The following CTNNA3 variants were observed in gnomAD, a reference collection of about 807,000 sequenced individuals.
CTNNA3 encodes catenin alpha-3.
Under a neutral mutation model 95.7 loss-of-function variants are expected in CTNNA3, and 76 were observed. That is an observed-to-expected ratio of 0.79 (90% CI 0.66 to 0.96). The LOEUF (loss-of-function observed/expected upper bound fraction) is 0.96. Ranked by LOEUF, CTNNA3 falls within the 40% of genes least tolerant of loss-of-function variation. CTNNA3 has a pLI of 0.00. For synonymous variants in CTNNA3, 431 were observed against 374.4 expected (o/e 1.15, Z -1.74); for missense variants, 1,191 against 1,089.8 (o/e 1.09, Z -1.31).
At chr10:67,332,187 T>C (rs1309949145) in intron 5 of CTNNA3, among the ~76,000 whole-genome samples, 3 of 152,190 alleles carry the variant, frequency 2.0e-5, no homozygotes, top group African/African-American at 7.2e-5. Context: ...TCTTGAATAA[T>C]AAAAGATTAA....
intron 13 of CTNNA3, among the ~76,000 whole-genome samples, chr10:66,274,904 T>C (rs1333020319): frequency 6.6e-6 from 1 of 152,142 alleles, no homozygotes; most frequent in Non-Finnish European, 1.5e-5. Context: ...TGTTTTTAAT[T>C]TTTTTAATGT....
rs1847470954 is a variant in CTNNA3, at chr10:66,932,697, TTAAA to T, written c.1048-157177_1048-157174del. Among the ~76,000 whole-genome samples the T allele has an allele frequency of 4.2e-5, 3 of 72,224 alleles. No homozygotes were observed. The South Asian group carries it at 1.9e-3, about 45-fold the overall frequency. 47.4% of individuals were successfully genotyped at this position (72,224 alleles called of 152,430 possible). A position where few individuals can be genotyped will look rare whatever the true frequency, so the allele number is the denominator to read the frequency against. ...TCAAATAGCTCTAATTAAAAATGAA[TTAAA>T]GAAATAATAATAATACATAGGTGAA... On this transcript the variant is annotated intron_variant, in intron 7 of 17. Transcript: ENST00000433211.
chr10:67,142,472 A>C (rs1251875994), intron 7 of CTNNA3, among the ~76,000 whole-genome samples: 1 of 152,190 alleles, frequency 6.6e-6, no homozygotes, highest in African/African-American at 2.4e-5. Context: ...GAGATACTGC[A>C]GGTTTCGTAT....
chr10:66,992,104 C>T (rs963745235), intron 7 of CTNNA3, among the ~76,000 whole-genome samples: 2 of 152,150 alleles, frequency 1.3e-5, no homozygotes, highest in Non-Finnish European at 2.9e-5. Context: ...CCAAATTGCT[C>T]TCCAAAGAAC....
At chr10:66,782,463 T>C (rs910147393) in intron 7 of CTNNA3, among the ~76,000 whole-genome samples, 14 of 152,182 alleles carry the variant, frequency 9.2e-5, no homozygotes, top group African/African-American at 3.4e-4. Context: ...TCATTCTCTG[T>C]ATCACCTTTT....
chr10:67,172,028 C>T (rs576977670), intron 7 of CTNNA3, among the ~76,000 whole-genome samples: 55 of 152,252 alleles, frequency 3.6e-4, no homozygotes, highest in Non-Finnish European at 7.1e-4. Flanking sequence ...CCAAACTGAA[C>T]TTCATATATT....
chr10:67,699,849 C>T (rs1295583509), upstream of CTNNA3, among the ~76,000 whole-genome samples: 3 of 152,318 alleles, frequency 2.0e-5, no homozygotes, highest in South Asian at 2.1e-4. Flanking sequence ...AACAACGGGT[C>T]GGGGAGTTCC....
At chr10:66,228,018 C>T (rs2089404746) in intron 13 of CTNNA3, among the ~76,000 whole-genome samples, 1 of 151,952 alleles carries the variant, frequency 6.6e-6, no homozygotes, top group Non-Finnish European at 1.5e-5. Context: ...TGTTGTAATG[C>T]CTGCATTATG....
chr10:67,407,350 C>CATCTG (rs1845174940), intron 5 of CTNNA3, among the ~76,000 whole-genome samples: 4 of 152,060 alleles, frequency 2.6e-5, no homozygotes, highest in Non-Finnish European at 5.9e-5. Flanking sequence ...CAGGAAAGGC[C>CATCTG]TTTGGTAAAA....
chr10:66,893,626 A>C (rs1845358835), intron 7 of CTNNA3, among the ~76,000 whole-genome samples: 2 of 152,098 alleles, frequency 1.3e-5, no homozygotes, highest in Non-Finnish European at 2.9e-5. Context: ...AAGAAAAGTA[A>C]GATTTACAAG....
At chr10:67,381,039 T>C (rs1843926071) in intron 5 of CTNNA3, among the ~76,000 whole-genome samples, 1 of 152,186 alleles carries the variant, frequency 6.6e-6, no homozygotes, top group Non-Finnish European at 1.5e-5. Context: ...TCTCTGCTGA[T>C]TGAGTATCTC....
intron 7 of CTNNA3, among the ~76,000 whole-genome samples, chr10:67,083,348 G>T (rs1229109017): frequency 6.6e-6 from 1 of 151,698 alleles, no homozygotes; most frequent in African/African-American, 2.4e-5. Flanking sequence ...GTTCCAATCA[G>T]TTATTCAATG....
chr10:67,384,790 C>A (rs1589237496), intron 5 of CTNNA3, among the ~76,000 whole-genome samples: 1 of 152,130 alleles, frequency 6.6e-6, no homozygotes, highest in Non-Finnish European at 1.5e-5. Context: ...AGAAATTAGG[C>A]AGCTGCTACA....
At chr10:66,503,451 A>C (rs957796048) in intron 11 of CTNNA3, among the ~76,000 whole-genome samples, 1 of 151,754 alleles carries the variant, frequency 6.6e-6, no homozygotes, top group Non-Finnish European at 1.5e-5. Context: ...ATCTTCAAGC[A>C]TACATAACTC....
chr10:66,205,607 A>T (rs2087708770), intron 13 of CTNNA3, among the ~76,000 whole-genome samples: 1 of 152,044 alleles, frequency 6.6e-6, no homozygotes, highest in South Asian at 2.1e-4. Context: ...ACCCATACAC[A>T]AAATGTAAAC....
In CTNNA3 at chr10:66,195,936, C is replaced by T. The variant is rs12416558; in HGVS notation, c.1884+84534G>A. Among the ~76,000 whole-genome samples, 9 of 152,094 alleles carry T rather than the reference C, an allele frequency of 5.9e-5. No individual in the cohort carries two copies. The South Asian group carries it at 1.5e-3, about 25-fold the overall frequency. The stretch of plus-strand genomic sequence containing the variant: ...AACTGCCATTTGTGTGTAAAAATAT[C>T]GATCTATAATTGTTTCTTAGCTACA... On this transcript the variant is annotated intron_variant, in intron 13 of 17. Transcript: ENST00000433211.
At chr10:67,282,903 C>T (rs900920116) in intron 5 of CTNNA3, among the ~76,000 whole-genome samples, 5 of 152,168 alleles carry the variant, frequency 3.3e-5, no homozygotes, top group Admixed American at 3.3e-4. Context: ...TCTCTCTTCC[C>T]CAAGGTGGGT....
At chr10:67,447,121 TA>T (rs1055705901) in intron 5 of CTNNA3, among the ~76,000 whole-genome samples, 1 of 151,760 alleles carries the variant, frequency 6.6e-6, no homozygotes, top group Non-Finnish European at 1.5e-5. Flanking sequence ...TAAAAAACAA[TA>T]AAAAAAATGA....
chr10:66,365,283 G>C (rs958535600), intron 12 of CTNNA3, among the ~76,000 whole-genome samples: 2 of 152,100 alleles, frequency 1.3e-5, no homozygotes, highest in African/African-American at 4.8e-5. Flanking sequence ...ACTATCATAA[G>C]ATGAGAAAAC....
Sources: allele counts gnomAD v4.1 joint callset (sites outside exome capture counted in the v4.1 genomes callset), GRCh38; gene constraint gnomAD v4.1.1; transcripts MANE v1.5; gene names NCBI Gene and HGNC (gene_info 2026-07-23, HGNC 2026-07-21).